RDX: variants seen among roughly 807,000 people sequenced by gnomAD.
RDX encodes radixin, also known as deafness, autosomal recessive 24.
A neutral mutation model predicts 83.7 loss-of-function variants in RDX; 32 were observed. That is an observed-to-expected ratio of 0.38 (90% CI 0.29 to 0.51). The LOEUF (loss-of-function observed/expected upper bound fraction) is 0.51, where lower values mean the gene tolerates loss of function less well. Among genes scored for constraint, RDX ranks in the 20% least tolerant of loss-of-function variants. RDX has a pLI of 0.87. For missense variants in RDX, 600 were observed against 689.9 expected (o/e 0.87, Z 1.46); for synonymous variants, 229 against 222.7 (o/e 1.03, Z -0.25).
intron 9 of RDX, among the ~76,000 whole-genome samples, chr11:110,252,992 A>G (rs569149348): frequency 6.6e-6 from 1 of 152,316 alleles, no homozygotes; most frequent in Admixed American, 6.5e-5. Context: ...AAACCCATAT[A>G]AAAAATGTTT....
Position 110,233,351 on chromosome 11 carries a change from C to G in RDX, c.1473G>C (p.Glu491Asp). The change falls in exon 13 of 14, where the codon GAG becomes GAC. Residue 491 changes from glutamate (E) to aspartate (D), a missense_variant. Physicochemically the swap from Glu to Asp is conservative, Grantham distance 45. Transcript: ENST00000645495. Reference sequence around the variant, plus strand: ...ATTCAGCACTAGCTTCAGCATTATTCTCATCGTGTTCATCATGTTCGTTTT... The same window carrying G: ...ATTCAGCACTAGCTTCAGCATTATTGTCATCGTGTTCATCATGTTCGTTTT... Reference protein sequence around the residue: ...PTENEHDEHDENNAEASAELS... With the variant: ...PTENEHDEHDDNNAEASAELS... The G allele has an allele frequency of 6.2e-7, 1 of 1,614,102 alleles. No homozygotes were observed. The highest frequency in any genetic ancestry group is 1.7e-5 in the Admixed American group (1 of 60,010).
At chr11:110,197,803 C>T (rs1168021949) in intron 15 of RDX, among the ~76,000 whole-genome samples, 1 of 152,132 alleles carries the variant, frequency 6.6e-6, no homozygotes, top group East Asian at 1.9e-4. Flanking sequence ...TGCTTTAACC[C>T]AGGATTTTAG....
chr11:110,225,194 CA>C, downstream of RDX, among the ~76,000 whole-genome samples: 6 of 152,088 alleles, frequency 3.9e-5, no homozygotes, highest in South Asian at 1.2e-3. Context: ...TTTTCCTCTT[CA>C]AAAAAACACA....
At chr11:110,240,744 C>CAAAAA (rs1298350227) in intron 10 of RDX, among the ~76,000 whole-genome samples, 2 of 62,894 alleles carry the variant, frequency 3.2e-5, no homozygotes, top group African/African-American at 1.1e-4. Flanking sequence ...GACTCCGTCT[C>CAAAAA]AAAAAAAAAA....
At chr11:110,292,294 GA>G (rs113085193) in intron 1 of RDX, among the ~76,000 whole-genome samples, 7,292 of 135,178 alleles carry the variant, frequency 0.054, 393 homozygotes, top group African/African-American at 0.15. Flanking sequence ...CCCTGTCTTG[GA>G]AAAAAAAAAA....
intron 3 of RDX, among the ~76,000 whole-genome samples, chr11:110,265,661 T>C (rs562047442): frequency 6.6e-6 from 1 of 152,290 alleles, no homozygotes; most frequent in South Asian, 2.1e-4. Context: ...GAAACCATTC[T>C]TAGAACATAC....
chr11:110,278,786 T>A (rs998615285), intron 2 of RDX, among the ~76,000 whole-genome samples: 5 of 151,796 alleles, frequency 3.3e-5, no homozygotes, highest in Non-Finnish European at 7.4e-5. Context: ...TGAAGTGTTA[T>A]CCGTGCTAGA....
intron 5 of RDX, among the ~76,000 whole-genome samples, chr11:110,260,329 C>A (rs561389751): frequency 1.2e-3 from 190 of 152,288 alleles, no homozygotes; most frequent in Non-Finnish European, 1.7e-3. Context: ...CTTATTCCAA[C>A]AGATACTTTA....
intron 1 of RDX, among the ~76,000 whole-genome samples, chr11:110,292,738 G>A (rs764578924): frequency 6.6e-6 from 1 of 151,492 alleles, no homozygotes; most frequent in South Asian, 2.1e-4. Context: ...ATTACTAATA[G>A]CTTTATAAAT....
chr11:110,271,357 G>A (rs1860304891), intron 3 of RDX, among the ~76,000 whole-genome samples: 1 of 152,094 alleles, frequency 6.6e-6, no homozygotes, highest in African/African-American at 2.4e-5. Flanking sequence ...TCTGACTACA[G>A]GCTATTGCTC....
intron 1 of RDX, among the ~76,000 whole-genome samples, chr11:110,284,035 A>AG (rs1860876316): frequency 6.6e-6 from 1 of 152,220 alleles, no homozygotes; most frequent in Non-Finnish European, 1.5e-5. Context: ...ACTGATTAAA[A>AG]CTACAAATGT....
intron 3 of RDX, 25 bp downstream of exon 3, chr11:110,272,511 T>C (rs370602075): frequency 2.3e-4 from 337 of 1,472,094 alleles, no homozygotes; most frequent in Middle Eastern, 9.7e-4. Context: ...GTGTCAAAAG[T>C]TGCATATTTC....
chr11:110,260,693 A>C (rs922464766), intron 5 of RDX, among the ~76,000 whole-genome samples: 1 of 151,962 alleles, frequency 6.6e-6, no homozygotes, highest in Non-Finnish European at 1.5e-5. Context: ...TGCTTCCAGG[A>C]CTCCCCTTGG....
intron 1 of RDX, among the ~76,000 whole-genome samples, chr11:110,292,186 G>A (rs1412924161): frequency 6.6e-6 from 1 of 152,006 alleles, no homozygotes; most frequent in Non-Finnish European, 1.5e-5. Flanking sequence ...CCAGCTACTA[G>A]GGAAGCTGAG....
At chr11:110,240,338 T>A (rs1041036333) in intron 10 of RDX, among the ~76,000 whole-genome samples, 2 of 152,022 alleles carry the variant, frequency 1.3e-5, no homozygotes, top group Non-Finnish European at 2.9e-5. Flanking sequence ...CTAAATCTCA[T>A]AAAGATAAAT....
chr11:110,187,614 A>C (rs1486804519), intron 15 of RDX, among the ~76,000 whole-genome samples: 1 of 152,206 alleles, frequency 6.6e-6, no homozygotes, highest in East Asian at 1.9e-4. Context: ...CCCCAGCTCC[A>C]TACCTAGGCA....
intron 2 of RDX, among the ~76,000 whole-genome samples, chr11:110,278,789 G>A (rs746679240): frequency 3.4e-5 from 5 of 148,896 alleles, no homozygotes; most frequent in Admixed American, 6.7e-5. Context: ...AGTGTTATCC[G>A]TGCTAGAAAA....
chr11:110,264,632 T>G (rs188797898), intron 4 of RDX, 147 bp downstream of exon 4: 21 of 592,524 alleles, frequency 3.5e-5, no homozygotes, highest in African/African-American at 2.4e-4. Context: ...GGTGCCTGAT[T>G]GAATTTAAAA....
intron 15 of RDX, among the ~76,000 whole-genome samples, chr11:110,178,366 TTGAC>T (rs1317687362): frequency 6.6e-6 from 1 of 152,192 alleles, no homozygotes; most frequent in East Asian, 1.9e-4. Flanking sequence ...ATTTTCCCCT[TTGAC>T]TGATCGATCC....
Sources: gnomAD v4.1 joint callset for allele counts (sites outside exome capture counted in the v4.1 genomes callset) on GRCh38, gnomAD v4.1.1 for gene constraint, MANE v1.5 for transcripts, NCBI Gene and HGNC (gene_info 2026-07-23, HGNC 2026-07-21) for gene names.